TIPIN: variants seen among roughly 807,000 people sequenced by gnomAD.
TIPIN encodes the protein TIMELESS interacting protein, also known as TIMELESS-interacting protein.
Under a neutral mutation model 35.6 loss-of-function variants are expected in TIPIN, and 29 were observed. The observed-to-expected ratio is 0.82, with a 90% CI of 0.61 to 1.11. TIPIN has a LOEUF of 1.11. Among genes scored for constraint, TIPIN ranks in the 50% most tolerant of loss-of-function variants. TIPIN has a pLI of 0.00. For missense variants in TIPIN, 296 were observed against 345.4 expected (o/e 0.86, Z 1.13); for synonymous variants, 102 against 121.5 (o/e 0.84, Z 1.06).
chr15:66,345,211 C>CA (rs1217056368), intron 6 of TIPIN, among the ~76,000 whole-genome samples: 1 of 151,884 alleles, frequency 6.6e-6, no homozygotes, highest in Non-Finnish European at 1.5e-5. Context: ...TTGAGGGGTA[C>CA]AAGGGAAGAG....
chr15:66,360,298 A>C (rs2093225505), upstream of TIPIN, among the ~76,000 whole-genome samples: 1 of 152,024 alleles, frequency 6.6e-6, no homozygotes, highest in Non-Finnish European at 1.5e-5. Context: ...GGAATGTTTC[A>C]CCCTTTCAGA....
chr15:66,343,273 T>C (rs1336715504), intron 6 of TIPIN, among the ~76,000 whole-genome samples: 1 of 152,208 alleles, frequency 6.6e-6, no homozygotes, highest in Non-Finnish European at 1.5e-5. Context: ...CACTTTACCT[T>C]CTATCTACAT....
intron 1 of TIPIN, among the ~76,000 whole-genome samples, chr15:66,369,353 C>CTTTTTTT (rs59189335): frequency 3.4e-5 from 4 of 118,610 alleles, no homozygotes; most frequent in Non-Finnish European, 6.6e-5. Flanking sequence ...TTCACAATAT[C>CTTTTTTT]TTTTTTTTTT....
chr15:66,380,387 G>A (rs1344861487), intron 1 of TIPIN, among the ~76,000 whole-genome samples: 2 of 151,986 alleles, frequency 1.3e-5, no homozygotes, highest in Non-Finnish European at 2.9e-5. Flanking sequence ...TGAAAGTCCT[G>A]GCCATTTCCC....
At chr15:66,341,099 C>A in intron 7 of TIPIN, 51 bp downstream of exon 7, 1 of 1,533,604 alleles carries the variant, frequency 6.5e-7, no homozygotes. Context: ...AAATTTCTAA[C>A]ATGTCCTTGA....
At chr15:66,361,514 C>T (rs868778638), upstream of TIPIN, among the ~76,000 whole-genome samples, 2 of 146,226 alleles carry the variant, frequency 1.4e-5, no homozygotes, top group Middle Eastern at 3.6e-3. Flanking sequence ...CTGGGCCTCC[C>T]AAAGTGCTGA....
intron 1 of TIPIN, chr15:66,379,677 A>T: frequency 6.2e-7 from 1 of 1,611,488 alleles, no homozygotes; most frequent in Non-Finnish European, 8.5e-7. Context: ...ACCCTTGATC[A>T]TGTTCTGTAC....
rs2093178049 is a variant in TIPIN, at chr15:66,352,889, T to A, written c.59A>T (p.Asp20Val). The change falls in exon 2 of 8, where the codon GAT becomes GTT. Residue 20 changes from aspartate (D) to valine (V), a missense_variant. Transcript: ENST00000261881. ...IDLPDYEHVEDETFPPFPPPA... is the reference protein window; with the variant it reads ...IDLPDYEHVEVETFPPFPPPA... The stretch of plus-strand genomic sequence containing the variant: ...AGGTGGGAAAGGAGGAAAAGTTTCA[T>A]CTTCTACATGCTCATAATCTGGTAG... The A allele has an allele frequency of 6.2e-7, 1 of 1,614,034 alleles. No homozygotes were observed. Among genetic ancestry groups the A allele is most frequent in the Non-Finnish European group, 8.5e-7 (1 of 1,180,032 alleles).
chr15:66,339,471 C>T lies in TIPIN; in HGVS notation c.682+1679G>A, dbSNP rs530614978. ...TGAATGGGAAATTAAGAAAGATATA[C>T]GCAATCCTGCTTACTTCATTCAAAA... On this transcript the variant is annotated intron_variant, in intron 7 of 7. Transcript: ENST00000261881. 1.6e-4 allele frequency among the ~76,000 whole-genome samples: 24 copies of T among 152,208 alleles called. No individual in the cohort carries two copies. In the South Asian group the frequency reaches 2.5e-3, roughly 16 times the overall value.
At chr15:66,341,456 A>G in intron 6 of TIPIN, 100 bp from the exon 7 acceptor site, 1 of 1,006,778 alleles carries the variant, frequency 9.9e-7, no homozygotes, top group Non-Finnish European at 1.4e-6. Flanking sequence ...CAGACCTGAA[A>G]AAACAATTTG....
rs1298287011 is a variant in TIPIN, at chr15:66,353,402, G to T, written c.-8-447C>A. On this transcript the variant is annotated intron_variant, in intron 1 of 7. Transcript: ENST00000261881. ...GGAGGCCGAGGCGGGCGGATCACGAGGTCAGGAGATCGAGACCATCCTGGC... is the reference window on the plus strand; with the variant it reads ...GGAGGCCGAGGCGGGCGGATCACGATGTCAGGAGATCGAGACCATCCTGGC... 2.0e-5 allele frequency among the ~76,000 whole-genome samples: 3 copies of T among 152,100 alleles called. No individual in the cohort carries two copies. In the East Asian group the frequency reaches 5.8e-4, roughly 29 times the overall value.
chr15:66,353,675 T>TA (rs1209106998), intron 1 of TIPIN, among the ~76,000 whole-genome samples: 3 of 150,502 alleles, frequency 2.0e-5, no homozygotes, highest in South Asian at 2.1e-4. Flanking sequence ...AAATTAAAAA[T>TA]AAAAAAAAAT....
upstream of TIPIN, among the ~76,000 whole-genome samples, chr15:66,358,413 TTTTC>T (rs1452505343): frequency 6.6e-6 from 1 of 151,938 alleles, no homozygotes; most frequent in Non-Finnish European, 1.5e-5. Flanking sequence ...TTCTCTCCAC[TTTTC>T]TTTCTTTCTC....
chr15:66,376,974 G>C (rs1595820886), intron 1 of TIPIN, among the ~76,000 whole-genome samples: 2 of 151,482 alleles, frequency 1.3e-5, no homozygotes, highest in African/African-American at 2.4e-5. Flanking sequence ...CAGGCATGGT[G>C]GTGGGCACCT....
rs1178677485 is a variant in TIPIN at position 66,369,522 on chromosome 15, G to C, written c.-8-16567C>G. The stretch of plus-strand genomic sequence containing the variant: ...TGCCACCATGCCCGGCTAATTTTTT[G>C]TATTTTTAGTAGAGACGGGGTTTCA... On this transcript the variant is annotated intron_variant, in intron 1 of 7. Transcript: ENST00000562124. Among the ~76,000 whole-genome samples, 4 of 151,484 alleles carry C rather than the reference G, an allele frequency of 2.6e-5. No homozygotes were observed. In the East Asian group the frequency reaches 7.8e-4, roughly 29 times the overall value.
chr15:66,382,207 G>T, intron 1 of TIPIN: 1 of 268,688 alleles, frequency 3.7e-6, no homozygotes, highest in African/African-American at 2.3e-5. Flanking sequence ...GTAGTAGACA[G>T]TATAATTCTC....
intron 1 of TIPIN, among the ~76,000 whole-genome samples, chr15:66,374,689 C>T (rs1435660209): frequency 1.3e-5 from 2 of 152,196 alleles, no homozygotes; most frequent in Non-Finnish European, 2.9e-5. Context: ...AAGCGATTTT[C>T]CTGCCTCACC....
In TIPIN at chr15:66,349,132, GAA is replaced by G. The variant is rs761601460; in HGVS notation, c.412-11_412-10del. ...ATTCGTTTTAAACAGGTCTGAAAAT[GAA>G]AAGAGATTATTTATTTTTACCTCTT... On this transcript the variant is annotated splice_polypyrimidine_tract_variant and intron_variant, in intron 5 of 7. Coordinates refer to ENST00000261881, the MANE Select transcript of TIPIN (RefSeq NM_017858.3). The G allele has an allele frequency of 3.7e-6, 6 of 1,609,530 alleles. No individual in the cohort carries two copies. Among genetic ancestry groups the G allele is most frequent in the East Asian group, 2.2e-5 (1 of 44,848 alleles).
chr15:66,345,743 G>A (rs1196010402), intron 6 of TIPIN, among the ~76,000 whole-genome samples: 5 of 151,776 alleles, frequency 3.3e-5, no homozygotes, highest in East Asian at 1.9e-4. Context: ...AATCACATCC[G>A]TATAGAAGTA....
Sources: gnomAD v4.1 joint callset for allele counts (sites outside exome capture counted in the v4.1 genomes callset) on GRCh38, gnomAD v4.1.1 for gene constraint, MANE v1.5 for transcripts, NCBI Gene and HGNC (gene_info 2026-07-23, HGNC 2026-07-21) for gene names.